The following ERG variants were observed in gnomAD, a reference collection of about 807,000 sequenced individuals.
The protein encoded by ERG is ETS transcription factor ERG, also known as transcriptional regulator ERG.
A neutral mutation model predicts 55.3 loss-of-function variants in ERG; 9 were observed. That is an observed-to-expected ratio of 0.16 (90% CI 0.10 to 0.28). ERG has a LOEUF of 0.28. Among genes scored for constraint, ERG ranks in the 10% least tolerant of loss-of-function variants. ERG has a pLI of 1.00. For synonymous variants in ERG, 223 were observed against 237.3 expected (o/e 0.94, Z 0.55); for missense variants, 434 against 631.6 (o/e 0.69, Z 3.35).
intron 2 of ERG, among the ~76,000 whole-genome samples, chr21:38,566,082 C>A (rs2059920968): frequency 6.6e-6 from 1 of 152,134 alleles, no homozygotes; most frequent in Non-Finnish European, 1.5e-5. Flanking sequence ...ATAGTGCTCT[C>A]AGATACTTCC....
chr21:38,522,959 T>C (rs2059605273), intron 2 of ERG, among the ~76,000 whole-genome samples: 1 of 152,196 alleles, frequency 6.6e-6, no homozygotes, highest in African/African-American at 2.4e-5. Context: ...CTCTTGGACA[T>C]AAAATATGTT....
intron 2 of ERG, among the ~76,000 whole-genome samples, chr21:38,516,427 CA>C (rs1335712790): frequency 4.0e-5 from 6 of 151,502 alleles, no homozygotes. Flanking sequence ...AAAATCTCTA[CA>C]AAAAAACTAC....
intron 2 of ERG, among the ~76,000 whole-genome samples, chr21:38,528,149 TCTC>T (rs958664193): frequency 2.7e-5 from 2 of 74,836 alleles, no homozygotes; most frequent in Non-Finnish European, 4.4e-5. Context: ...CACATGGCCT[TCTC>T]CTCATATACC....
chr21:38,604,005 T>A (rs931144965), intron 1 of ERG, among the ~76,000 whole-genome samples: 2 of 151,990 alleles, frequency 1.3e-5, no homozygotes, highest in African/African-American at 2.4e-5. Context: ...TCCCAGCCCT[T>A]CAGGGGGCCG....
Position 38,469,290 on chromosome 21 carries a change from G to T in ERG, c.19-23669C>A, listed in dbSNP as rs117733086. Among the ~76,000 whole-genome samples, 691 of 152,252 alleles carry T rather than the reference G, an allele frequency of 4.5e-3. 8 individuals carry two copies. The highest frequency in any genetic ancestry group is 6.5e-3 in the Non-Finnish European group (445 of 68,026). On this transcript the variant is annotated intron_variant, in intron 1 of 9. Transcript: ENST00000288319. The stretch of plus-strand genomic sequence containing the variant: ...TTAGCAAACACTGAGTGACTGACTA[G>T]TCTATCTCTCCCCGTGATAAAATTT...
At chr21:38,600,250 A>G (rs772364681) in intron 1 of ERG, among the ~76,000 whole-genome samples, 1 of 152,212 alleles carries the variant, frequency 6.6e-6, no homozygotes, top group Non-Finnish European at 1.5e-5. Flanking sequence ...CAGGTTTGAG[A>G]ATGGCTGGGC....
At chr21:38,431,800 G>A (rs549353019) in intron 2 of ERG, among the ~76,000 whole-genome samples, 6 of 152,280 alleles carry the variant, frequency 3.9e-5, no homozygotes, top group African/African-American at 1.2e-4. Flanking sequence ...AAACAATATC[G>A]TTCCCAACAT....
At chr21:38,377,200 C>T (rs1340606854), downstream of ERG, among the ~76,000 whole-genome samples, 1 of 152,234 alleles carries the variant, frequency 6.6e-6, no homozygotes, top group Non-Finnish European at 1.5e-5. Flanking sequence ...AGTGTATGCA[C>T]ATTGTTTGGC....
chr21:38,548,597 G>A (rs1354012504), intron 2 of ERG, among the ~76,000 whole-genome samples: 207 of 138,744 alleles, frequency 1.5e-3, no homozygotes, highest in African/African-American at 5.3e-3. Flanking sequence ...AGAGGCACCC[G>A]CCACCACGCC....
At chr21:38,612,204 C>A (rs185123332) in intron 1 of ERG, among the ~76,000 whole-genome samples, 1 of 152,282 alleles carries the variant, frequency 6.6e-6, no homozygotes, top group Admixed American at 6.5e-5. Flanking sequence ...TGTTTACAAA[C>A]CTTTACCATC....
chr21:38,580,953 G>A (rs2060024821), intron 1 of ERG, among the ~76,000 whole-genome samples: 1 of 152,152 alleles, frequency 6.6e-6, no homozygotes, highest in South Asian at 2.1e-4. Flanking sequence ...GCGGGTTAGG[G>A]GATGCATATA....
chr21:38,495,203 C>T (rs1304969431), intron 1 of ERG, among the ~76,000 whole-genome samples: 1 of 152,156 alleles, frequency 6.6e-6, no homozygotes, highest in Non-Finnish European at 1.5e-5. Flanking sequence ...ATTAAGTTTC[C>T]CTCACATGTG....
chr21:38,613,080 C>CT (rs1259214519), intron 1 of ERG, among the ~76,000 whole-genome samples: 1 of 152,190 alleles, frequency 6.6e-6, no homozygotes, highest in African/African-American at 2.4e-5. Flanking sequence ...TTTGCTGATT[C>CT]TTATCAGTTT....
upstream of ERG, among the ~76,000 whole-genome samples, chr21:38,500,255 C>T (rs1390233717): frequency 6.6e-6 from 1 of 152,222 alleles, no homozygotes; most frequent in Admixed American, 6.5e-5. Context: ...AAGATGAACG[C>T]TTTGCTAATG....
chr21:38,383,267 T>C lies in ERG; in HGVS notation c.*136A>G. On this transcript the variant is annotated 3_prime_UTR_variant, in exon 10 of 10. Transcript: ENST00000288319. This position sits in a 1 kb window ranked among gnomAD's most constrained non-coding sequence, Gnocchi z 5.7. Reference sequence around the variant, plus strand: ...TCCCTCCCAAGAGTCTTTGGATCTCTTCCCCGGCTTCCTTCCCCAGCCCCA... The same window carrying C: ...TCCCTCCCAAGAGTCTTTGGATCTCCTCCCCGGCTTCCTTCCCCAGCCCCA... 7.5e-7 allele frequency: 1 copy of C among 1,338,354 alleles called. No individual in the cohort carries two copies. Among genetic ancestry groups the C allele is most frequent in the Admixed American group, 3.5e-5 (1 of 28,796 alleles). 82.9% of individuals were successfully genotyped at this position (1,338,354 alleles called of 1,614,324 possible).
chr21:38,456,532 G>T (rs1414370422), intron 1 of ERG, among the ~76,000 whole-genome samples: 1 of 152,234 alleles, frequency 6.6e-6, no homozygotes, highest in Admixed American at 6.5e-5. Flanking sequence ...AGGAGCACAT[G>T]AATAAGTCTC....
chr21:38,515,110 G>A (rs898597925), intron 2 of ERG, among the ~76,000 whole-genome samples: 1 of 151,780 alleles, frequency 6.6e-6, no homozygotes, highest in African/African-American at 2.4e-5. Flanking sequence ...ATATATTCAT[G>A]GATTGAAAAA....
chr21:38,372,825 G>GT, the ERG span, among the ~76,000 whole-genome samples: 3,492 of 144,720 alleles, frequency 0.024, 75 homozygotes, highest in African/African-American at 0.058. Context: ...TCCATTTCTT[G>GT]TTTTTTTTTT....
chr21:38,632,732 T>C (rs1165861541), intron 1 of ERG, among the ~76,000 whole-genome samples: 1 of 152,198 alleles, frequency 6.6e-6, no homozygotes, highest in Non-Finnish European at 1.5e-5. Flanking sequence ...CTCTTTCCTT[T>C]ATAAATTACC....
Sources: gnomAD v4.1 joint callset for allele counts (sites outside exome capture counted in the v4.1 genomes callset) on GRCh38, gnomAD v4.1.1 for gene constraint, Gnocchi (gnomAD v3.1) non-coding constraint, MANE v1.5 for transcripts, NCBI Gene and HGNC (gene_info 2026-07-23, HGNC 2026-07-21) for gene names.